PDE10A: variants seen among roughly 807,000 people sequenced by gnomAD.
PDE10A encodes the protein cAMP and cAMP-inhibited cGMP 3',5'-cyclic phosphodiesterase 10A.
A neutral mutation model predicts 97.7 loss-of-function variants in PDE10A; 39 were observed. The observed-to-expected ratio is 0.40, with a 90% CI of 0.31 to 0.52. The LOEUF (loss-of-function observed/expected upper bound fraction) is 0.52, where lower values mean the gene tolerates loss of function less well. PDE10A is among the 20% of genes least tolerant of loss of function. The pLI is 0.56. For synonymous variants in PDE10A, 371 were observed against 376.8 expected (o/e 0.98, Z 0.18); for missense variants, 731 against 1,047.8 (o/e 0.70, Z 4.17).
At chr6:165,495,754 A>G (rs1780499552) in intron 2 of PDE10A, among the ~76,000 whole-genome samples, 1 of 152,188 alleles carries the variant, frequency 6.6e-6, no homozygotes, top group South Asian at 2.1e-4. Context: ...TGGTTTCACT[A>G]GACTCTCAAA....
rs1785395428 is a variant in PDE10A, at chr6:165,387,566, C to T, written c.2610+732G>A. On this transcript the variant is annotated intron_variant, in intron 17 of 21. Transcript: ENST00000539869. ...TGGCAGAGTCACTGCTGGCATTTTG[C>T]TGTGACATCCTAAAAACTCAAAACC... Among the ~76,000 whole-genome samples, 9 of 152,354 alleles carry T rather than the reference C, an allele frequency of 5.9e-5. 1 individual carries two copies. The South Asian group carries it at 1.4e-3, about 25-fold the overall frequency.
chr6:165,546,122 G>A (rs1201209884), intron 1 of PDE10A, among the ~76,000 whole-genome samples: 1 of 151,998 alleles, frequency 6.6e-6, no homozygotes, highest in East Asian at 1.9e-4. Context: ...ACATGGATGA[G>A]TCTTAAATGC....
intron 3 of PDE10A, among the ~76,000 whole-genome samples, chr6:165,470,908 A>T (rs1351067877): frequency 6.6e-6 from 1 of 152,198 alleles, no homozygotes; most frequent in Non-Finnish European, 1.5e-5. Context: ...TTAAGAGAAA[A>T]AAACTAAAAC....
chr6:165,482,181 G>C, intron 3 of PDE10A, 134 bp downstream of exon 3: 1 of 727,606 alleles, frequency 1.4e-6, no homozygotes, highest in Non-Finnish European at 2.5e-6. Context: ...ATATTAATGA[G>C]TGATACTTTG....
intron 19 of PDE10A, among the ~76,000 whole-genome samples, chr6:165,342,514 T>C (rs567415147): frequency 1.3e-5 from 2 of 152,390 alleles, no homozygotes; most frequent in African/African-American, 4.8e-5. Context: ...GGCTTTATTA[T>C]TATGAAATAA....
chr6:165,378,761 A>G (rs1784765530), intron 18 of PDE10A, among the ~76,000 whole-genome samples: 1 of 152,192 alleles, frequency 6.6e-6, no homozygotes. Flanking sequence ...ACAGATCAAT[A>G]AAAGGGGAGT....
intron 1 of PDE10A, among the ~76,000 whole-genome samples, chr6:165,726,079 C>G (rs1307062901): frequency 6.6e-6 from 1 of 152,142 alleles, no homozygotes; most frequent in Admixed American, 6.5e-5. Flanking sequence ...TAGACAAGAA[C>G]ATAATATGTT....
rs376742493 is a variant in PDE10A at position 165,912,604 on chromosome 6, G to A, written c.-615+74925C>T. 4.6e-5 allele frequency among the ~76,000 whole-genome samples: 7 copies of A among 152,300 alleles called. No homozygotes were observed. In the East Asian group the frequency reaches 5.8e-4, roughly 13 times the overall value. On this transcript the variant is annotated intron_variant, in intron 1 of 19. Coordinates refer to the PDE10A transcript ENST00000366882. ...GAAGTGCTGTCTAGTGTCACAAGTCGTGAGACTGCTGTGATGTGCCTTATG... is the reference window on the plus strand; with the variant it reads ...GAAGTGCTGTCTAGTGTCACAAGTCATGAGACTGCTGTGATGTGCCTTATG...
chr6:165,896,929 C>T (rs537112573), intron 1 of PDE10A, among the ~76,000 whole-genome samples: 6 of 152,242 alleles, frequency 3.9e-5, no homozygotes, highest in Non-Finnish European at 7.3e-5. Flanking sequence ...CTCGGTCTCT[C>T]AAAGTGCTGG....
At chr6:165,659,905 C>A (rs1014598790) in intron 1 of PDE10A, among the ~76,000 whole-genome samples, 2 of 152,206 alleles carry the variant, frequency 1.3e-5, no homozygotes, top group African/African-American at 4.8e-5. Context: ...CACGAGCCAA[C>A]AGCAGTTTCA....
chr6:165,525,941 A>G (rs532421261), intron 2 of PDE10A, among the ~76,000 whole-genome samples: 1 of 152,326 alleles, frequency 6.6e-6, no homozygotes, highest in African/African-American at 2.4e-5. Flanking sequence ...TGGACAAAAG[A>G]GTAATTTAAA....
intron 1 of PDE10A, among the ~76,000 whole-genome samples, chr6:165,876,761 A>G (rs184338185): frequency 6.6e-6 from 1 of 152,276 alleles, no homozygotes; most frequent in East Asian, 1.9e-4. Context: ...CGATCATAAC[A>G]TCCCAGTGAG....
intron 1 of PDE10A, among the ~76,000 whole-genome samples, chr6:165,589,218 G>A (rs567751700): frequency 1.3e-5 from 2 of 152,300 alleles, no homozygotes; most frequent in Admixed American, 1.3e-4. Flanking sequence ...AAGGTACAGG[G>A]GAAAAGTTAA....
chr6:165,425,505 C>T (rs767724284), intron 10 of PDE10A, among the ~76,000 whole-genome samples: 4 of 151,918 alleles, frequency 2.6e-5, no homozygotes, highest in East Asian at 1.9e-4. Context: ...GATAAAAACA[C>T]GCAATAAAGT....
In PDE10A at chr6:165,619,404, GTAGTC is replaced by G. The variant is rs1301407010; in HGVS notation, c.865+42538_865+42542del. 1.7e-3 allele frequency among the ~76,000 whole-genome samples: 221 copies of G among 127,648 alleles called. 3 individuals carry two copies. Among genetic ancestry groups the G allele is most frequent in the Non-Finnish European group, 2.5e-3 (150 of 59,320 alleles). The allele number at this position is 127,648 out of a possible 152,430, so 83.7% of individuals were successfully genotyped here. A position where few individuals can be genotyped will look rare whatever the true frequency, so the allele number is the denominator to read the frequency against. ...GTAGTCTAGTATAGTGTAGTGTAGTGTAGTCTAGTGTAGTGTAGTGTAGTATAGTG... is the reference window on the plus strand; with the variant it reads ...GTAGTCTAGTATAGTGTAGTGTAGTGTAGTGTAGTGTAGTGTAGTATAGTG... On this transcript the variant is annotated intron_variant, in intron 1 of 21. Coordinates refer to ENST00000539869, the MANE Select transcript of PDE10A (RefSeq NM_001385079.1).
intron 1 of PDE10A, among the ~76,000 whole-genome samples, chr6:165,840,195 A>G (rs1780223006): frequency 7.1e-6 from 1 of 141,716 alleles, no homozygotes; most frequent in Non-Finnish European, 1.5e-5. Context: ...TCTTTATCCC[A>G]TCCCCATCCC....
chr6:165,498,629 G>T (rs1022668616), intron 2 of PDE10A, among the ~76,000 whole-genome samples: 1 of 151,810 alleles, frequency 6.6e-6, no homozygotes, highest in African/African-American at 2.4e-5. Context: ...TATCAGCAGA[G>T]ATCTTAACTG....
At chr6:165,681,464 A>G (rs1005893394) in intron 1 of PDE10A, among the ~76,000 whole-genome samples, 1 of 151,582 alleles carries the variant, frequency 6.6e-6, no homozygotes, top group African/African-American at 2.4e-5. Context: ...ATGGTGCAGA[A>G]CCATCTGGAG....
At chr6:165,676,338 T>C (rs1474669814) in intron 1 of PDE10A, among the ~76,000 whole-genome samples, 1 of 152,186 alleles carries the variant, frequency 6.6e-6, no homozygotes, top group African/African-American at 2.4e-5. Flanking sequence ...CTATGCACCA[T>C]TTCCATGTAA....
Sources: gnomAD v4.1 joint callset for allele counts (sites outside exome capture counted in the v4.1 genomes callset) on GRCh38, gnomAD v4.1.1 for gene constraint, MANE v1.5 for transcripts, NCBI Gene and HGNC (gene_info 2026-07-23, HGNC 2026-07-21) for gene names.